Variants in PTPRN2 observed in about 807,000 individuals in gnomAD.
PTPRN2 encodes the protein protein tyrosine phosphatase receptor type N2.
Under a neutral mutation model 118.8 loss-of-function variants are expected in PTPRN2, and 74 were observed. The ratio of observed to expected loss-of-function variants is 0.62; its 90% CI spans 0.52 to 0.76. The LOEUF is 0.76. PTPRN2 is among the 30% of genes least tolerant of loss of function. PTPRN2 has a pLI of 0.00. For missense variants in PTPRN2, 1,481 were observed against 1,394.4 expected (o/e 1.06, Z -0.99); for synonymous variants, 641 against 608.0 (o/e 1.05, Z -0.80).
chr7:158,166,580 G>A (rs1219430238), intron 6 of PTPRN2, among the ~76,000 whole-genome samples: 16 of 149,664 alleles, frequency 1.1e-4, no homozygotes, highest in African/African-American at 3.0e-4. Flanking sequence ...TGGCCGCCGC[G>A]TTCCCTGTCC....
At position 157,615,358 on chromosome 7, in the gene PTPRN2, C is replaced by T. The variant is rs568780853; in HGVS notation, c.2344+6004G>A. ...GTGTAGGCTGCACTCTCCGGGGAGC[C>T]GCTGACCTTGGGCTCCCTAACCTCC... On this transcript the variant is annotated intron_variant, in intron 15 of 22. Coordinates refer to ENST00000389418, the MANE Select transcript of PTPRN2 (RefSeq NM_002847.5). This position sits in a 1 kb window ranked among gnomAD's most constrained non-coding sequence, Gnocchi z 4.3. 1.8e-4 allele frequency: 81 copies of T among 446,270 alleles called. 1 individual carries two copies. The highest frequency in any genetic ancestry group is 1.1e-3 in the African/African-American group (57 of 49,810). 27.6% of individuals were successfully genotyped at this position (446,270 alleles called of 1,614,324 possible). A position where few individuals can be genotyped will look rare whatever the true frequency, so the allele number is the denominator to read the frequency against.
intron 6 of PTPRN2, among the ~76,000 whole-genome samples, chr7:158,150,765 G>A (rs554295056): frequency 2.2e-4 from 34 of 151,902 alleles, no homozygotes; most frequent in African/African-American, 7.2e-4. Context: ...GAGACGCTGC[G>A]TATCTGCAGC....
intron 3 of PTPRN2, among the ~76,000 whole-genome samples, chr7:158,274,123 CGGGG>C (rs1798763939): frequency 1.4e-5 from 1 of 73,416 alleles, no homozygotes; most frequent in Non-Finnish European, 2.5e-5. Context: ...GCCGCAGACA[CGGGG>C]AGCCGCAGAC....
intron 14 of PTPRN2, among the ~76,000 whole-genome samples, chr7:157,648,715 G>GCA (rs1805339624): frequency 6.9e-6 from 1 of 145,542 alleles, no homozygotes; most frequent in Non-Finnish European, 1.5e-5. Flanking sequence ...CCCATTCACT[G>GCA]TGCACTGAAC....
At chr7:158,061,860 T>G (rs2128907760) in intron 11 of PTPRN2, among the ~76,000 whole-genome samples, 1 of 152,370 alleles carries the variant, frequency 6.6e-6, no homozygotes, top group Admixed American at 6.5e-5. Context: ...TGGAAGTGCC[T>G]AATGCCACTT....
In PTPRN2 at chr7:158,192,440, C is replaced by T. The variant is rs971975385; in HGVS notation, c.436G>A (p.Ala146Thr). The change falls in exon 5 of 23, where the codon GCC (alanine) becomes ACC (threonine). Residue 146 changes from alanine (A) to threonine (T), a missense_variant. By Grantham distance (58) the Ala-to-Thr change is moderately conservative. This residue lies in a region of PTPRN2 where 1,115 missense variants were observed against 994.2 expected (regional missense o/e 1.12). Coordinates refer to ENST00000389418, the MANE Select transcript of PTPRN2 (RefSeq NM_002847.5). ...TGGCGTCGGAGGGCGTTGGCCAGGG[C>T]AGCACCGCCCTCCCGACTGTACCTC... is the stretch of plus-strand genomic sequence containing the variant. ...ERRYSREGGAALANALRRHLP... is the reference protein window; with the variant it reads ...ERRYSREGGATLANALRRHLP... The T allele has an allele frequency of 1.3e-6, 2 of 1,561,924 alleles. No homozygotes were observed. The highest frequency in any genetic ancestry group is 1.7e-6 in the Non-Finnish European group (2 of 1,161,776).
intron 17 of PTPRN2, among the ~76,000 whole-genome samples, chr7:157,594,182 G>A (rs1466302890): frequency 2.0e-5 from 3 of 152,232 alleles, no homozygotes; most frequent in African/African-American, 7.2e-5. Context: ...AAGCCCTGCA[G>A]AGACTGTTCT....
rs544277905 is a variant in PTPRN2, at chr7:157,800,970, C to CAT, written c.1788+97701_1788+97702dup. ...CCGTTTCAAAAAAAATATATATATA[C>CAT]ATATATATATATACACACACATATA... On this transcript the variant is annotated intron_variant, in intron 12 of 22. Coordinates refer to ENST00000389418, the MANE Select transcript of PTPRN2 (RefSeq NM_002847.5). Among the ~76,000 whole-genome samples, 597 of 149,310 alleles carry CAT rather than the reference C, an allele frequency of 4.0e-3. 6 individuals carry two copies. The highest frequency in any genetic ancestry group is 0.018 in the South Asian group (85 of 4,712).
rs1409538165 is a variant in PTPRN2, at chr7:157,591,106, G to A, written c.2496+4132C>T. ...ATGACTGACATCCTTAGAAGAGGAGGGAAATTTGGACCCTGACATAAATCC... is the reference window on the plus strand; with the variant it reads ...ATGACTGACATCCTTAGAAGAGGAGAGAAATTTGGACCCTGACATAAATCC... On this transcript the variant is annotated intron_variant, in intron 17 of 22. Coordinates refer to ENST00000389418, the MANE Select transcript of PTPRN2 (RefSeq NM_002847.5). The surrounding 1 kb of genome is among the most constrained non-coding windows in gnomAD (Gnocchi z 4.4). 6.6e-6 allele frequency among the ~76,000 whole-genome samples: 1 copy of A among 152,124 alleles called. No homozygotes were observed. The highest frequency in any genetic ancestry group is 2.4e-5 in the African/African-American group (1 of 41,416).
At chr7:158,220,485 T>C (rs1345038791) in intron 3 of PTPRN2, among the ~76,000 whole-genome samples, 1 of 152,034 alleles carries the variant, frequency 6.6e-6, no homozygotes, top group East Asian at 1.9e-4. Context: ...GAAAAAAATA[T>C]CAATGTATAA....
rs187681372 is a variant in PTPRN2 at position 157,637,775 on chromosome 7, C to T, written c.2197-16266G>A. 5.9e-5 allele frequency among the ~76,000 whole-genome samples: 9 copies of T among 152,320 alleles called. No homozygotes were observed. In the East Asian group the frequency reaches 1.4e-3, roughly 23 times the overall value. On this transcript the variant is annotated intron_variant, in intron 14 of 22. Transcript: ENST00000389418. ...ATGAGGAGGGGCGGTTGCCAGGCAA[C>T]GCATAGACAGCTTCTCCCGCTCCCA...
intron 12 of PTPRN2, among the ~76,000 whole-genome samples, chr7:157,695,803 C>G (rs1253571609): frequency 6.6e-6 from 1 of 152,232 alleles, no homozygotes; most frequent in African/African-American, 2.4e-5. Flanking sequence ...AACAATAGGG[C>G]AGTGAAACAA....
chr7:158,455,768 G>A (rs1449784112), intron 2 of PTPRN2, among the ~76,000 whole-genome samples: 9 of 148,196 alleles, frequency 6.1e-5, no homozygotes, highest in African/African-American at 1.0e-4. Context: ...CGGCATGGAC[G>A]CCATCGGCCA....
chr7:157,982,110 G>T (rs1803239140), intron 11 of PTPRN2, among the ~76,000 whole-genome samples: 1 of 144,154 alleles, frequency 6.9e-6, no homozygotes, highest in Non-Finnish European at 1.6e-5. Context: ...GAGTCACAGA[G>T]ACAAGGAGGG....
At chr7:157,948,074 C>T (rs6969702) in intron 11 of PTPRN2, among the ~76,000 whole-genome samples, 79,536 of 152,060 alleles carry the variant, frequency 0.52, 21,678 homozygotes, top group East Asian at 0.66. Context: ...GGCTGAAATG[C>T]AGGTCATTGA....
intron 3 of PTPRN2, among the ~76,000 whole-genome samples, chr7:158,280,638 G>T (rs914769709): frequency 4.6e-5 from 7 of 152,236 alleles, no homozygotes; most frequent in African/African-American, 1.4e-4. Flanking sequence ...GGGGGAGCCG[G>T]ACGGGTGCGG....
At position 158,150,673 on chromosome 7, in the gene PTPRN2, C is replaced by T. The variant is rs115829202; in HGVS notation, c.911-12158G>A. Among the ~76,000 whole-genome samples the T allele has an allele frequency of 6.8e-3, 1,035 of 152,142 alleles. 11 individuals are homozygous for T. The highest frequency in any genetic ancestry group is 0.024 in the African/African-American group (987 of 41,492). On this transcript the variant is annotated intron_variant, in intron 6 of 22. Transcript: ENST00000389418. ...CCTTGTGAACATAACCCAGGGGGGT[C>T]ACTGAGGTGAGATCTGTCATGCAGA...
At chr7:157,762,486 T>G (rs1258854973) in intron 12 of PTPRN2, among the ~76,000 whole-genome samples, 1 of 150,744 alleles carries the variant, frequency 6.6e-6, no homozygotes, top group Non-Finnish European at 1.5e-5. Context: ...CAGTAAACTA[T>G]CGCAAAAACA....
intron 1 of PTPRN2, among the ~76,000 whole-genome samples, chr7:158,516,933 C>A (rs1185768390): frequency 6.6e-6 from 1 of 152,174 alleles, no homozygotes; most frequent in Non-Finnish European, 1.5e-5. Context: ...ATTCCTGTAA[C>A]CTGCAAGGCT....
Sources: gnomAD v4.1 joint callset for allele counts (sites outside exome capture counted in the v4.1 genomes callset) on GRCh38, gnomAD v4.1.1 for gene constraint, gnomAD v4.1.1 regional missense constraint, Gnocchi (gnomAD v3.1) non-coding constraint, MANE v1.5 for transcripts, NCBI Gene and HGNC (gene_info 2026-07-23, HGNC 2026-07-21) for gene names.